Variants in ADGRG6 observed in about 807,000 individuals in gnomAD.
The protein encoded by ADGRG6 is G-protein coupled receptor 126.
Under a neutral mutation model 142.4 loss-of-function variants are expected in ADGRG6, and 84 were observed. That is an observed-to-expected ratio of 0.59 (90% CI 0.49 to 0.71). The LOEUF (loss-of-function observed/expected upper bound fraction) is 0.71, where lower values mean the gene tolerates loss of function less well. ADGRG6 is among the 30% of genes least tolerant of loss of function. The pLI, the probability that ADGRG6 is intolerant of heterozygous loss-of-function variation, is 0.00. For synonymous variants in ADGRG6, 521 were observed against 520.5 expected, an observed-to-expected ratio of 1.00 and a Z score of -0.01; for missense variants, 1,367 against 1,466.6, an observed-to-expected ratio of 0.93 and a Z score of 1.11.
intron 24 of ADGRG6, among the ~76,000 whole-genome samples, chr6:142,439,299 T>C (rs537116070): frequency 1.3e-5 from 2 of 152,360 alleles, no homozygotes; most frequent in African/African-American, 2.4e-5. Flanking sequence ...AGCACTTTCC[T>C]AATTAAAGAT....
chr6:142,339,881 T>C (rs1315987609), intron 2 of ADGRG6, among the ~76,000 whole-genome samples: 1 of 152,208 alleles, frequency 6.6e-6, no homozygotes, highest in Non-Finnish European at 1.5e-5. Flanking sequence ...GTTTTGCTCT[T>C]TAACATAATA....
intron 2 of ADGRG6, among the ~76,000 whole-genome samples, chr6:142,344,168 G>T (rs1265793506): frequency 6.6e-6 from 1 of 151,858 alleles, no homozygotes; most frequent in Non-Finnish European, 1.5e-5. Context: ...TCCTTCCCTA[G>T]ATGGTGTCAC....
intron 2 of ADGRG6, among the ~76,000 whole-genome samples, chr6:142,338,613 T>A (rs1409830990): frequency 2.0e-5 from 3 of 152,026 alleles, no homozygotes; most frequent in Non-Finnish European, 4.4e-5. Flanking sequence ...GAACTCTTAA[T>A]ATGTCTAAAT....
chr6:142,340,308 T>C (rs1167910353), intron 2 of ADGRG6, among the ~76,000 whole-genome samples: 1 of 152,128 alleles, frequency 6.6e-6, no homozygotes, highest in Admixed American at 6.5e-5. Flanking sequence ...TTACCAAATA[T>C]TTATCAGTTA....
At chr6:142,406,190 G>GTTTTTTT (rs3079341) in intron 15 of ADGRG6, among the ~76,000 whole-genome samples, 1 of 148,198 alleles carries the variant, frequency 6.7e-6, no homozygotes, top group Non-Finnish European at 1.5e-5. Context: ...AAAGGAAAGG[G>GTTTTTTT]TTTTTTTTTT....
At chr6:142,318,219 A>AT (rs1778298663) in intron 2 of ADGRG6, among the ~76,000 whole-genome samples, 1 of 38,866 alleles carries the variant, frequency 2.6e-5, no homozygotes, top group Non-Finnish European at 4.8e-5. Flanking sequence ...TTTATATATT[A>AT]TATATATTTA....
At chr6:142,437,922 A>G (rs1777563219) in intron 23 of ADGRG6, 1 of 275,782 alleles carries the variant, frequency 3.6e-6, no homozygotes. Context: ...GAAAAAACCT[A>G]CTTTGTCTTT....
intron 14 of ADGRG6, chr6:142,404,266 G>A: frequency 3.0e-6 from 1 of 338,798 alleles, no homozygotes; most frequent in Non-Finnish European, 5.4e-6. Context: ...TTCAGTTAGA[G>A]GAAAGAGCTT....
Position 142,390,248 on chromosome 6 carries a change from C to A in ADGRG6, c.1223-10C>A. 1.4e-6 allele frequency: 2 copies of A among 1,448,676 alleles called. No homozygotes were observed. The highest frequency in any genetic ancestry group is 1.9e-6 in the Non-Finnish European group (2 of 1,044,558). The allele number at this position is 1,448,676 out of a possible 1,614,324, so 89.7% of individuals were successfully genotyped here. A position where few individuals can be genotyped will look rare whatever the true frequency, so the allele number is the denominator to read the frequency against. ...ATAATTAATGGACTAATCCTATTTC[C>A]AATGGGCAGATGGAATTATCTATAG... On this transcript the variant is annotated splice_polypyrimidine_tract_variant and intron_variant, in intron 6 of 24. Transcript: ENST00000367609.
chr6:142,365,658 C>T lies in ADGRG6; in HGVS notation c.104-1911C>T, dbSNP rs868159323. Among the ~76,000 whole-genome samples, 28 of 152,192 alleles carry T rather than the reference C, an allele frequency of 1.8e-4. No individual in the cohort carries two copies. The Middle Eastern group carries it at 0.014, about 74-fold the overall frequency. ...TCATTTATTTTCCATTGTCTGTCTT[C>T]GGTCTTGTACAAGATGTCAGAGACT... is the stretch of plus-strand genomic sequence containing the variant. On this transcript the variant is annotated intron_variant, in intron 2 of 24. Transcript: ENST00000367609.
chr6:142,317,028 A>G (rs1455610901), intron 2 of ADGRG6, among the ~76,000 whole-genome samples: 1 of 152,104 alleles, frequency 6.6e-6, no homozygotes, highest in East Asian at 1.9e-4. Flanking sequence ...GACCACAAAC[A>G]TTTTTGTTTC....
At chr6:142,316,039 A>G (rs1778046533) in intron 2 of ADGRG6, among the ~76,000 whole-genome samples, 2 of 152,082 alleles carry the variant, frequency 1.3e-5, no homozygotes, top group South Asian at 2.1e-4. Flanking sequence ...TAAAATCATT[A>G]AAAATATTTG....
chr6:142,349,447 C>T (rs1373317567), intron 2 of ADGRG6, among the ~76,000 whole-genome samples: 1 of 152,192 alleles, frequency 6.6e-6, no homozygotes, highest in Non-Finnish European at 1.5e-5. Context: ...TGGACCTTAT[C>T]CCCCACTTTG....
intron 2 of ADGRG6, among the ~76,000 whole-genome samples, chr6:142,312,459 C>A (rs1323304590): frequency 6.6e-6 from 1 of 151,890 alleles, no homozygotes; most frequent in Non-Finnish European, 1.5e-5. Context: ...ATAAGAACTA[C>A]AATAAAATAA....
In ADGRG6 at chr6:142,443,375, C is replaced by A; in HGVS notation, c.3613C>A (p.His1205Asn). Residue 1205 changes from histidine (H) to asparagine (N), a missense_variant, in exon 25 of 25, where the codon CAT becomes AAT. By Grantham distance (68) the His-to-Asn change is moderately conservative. Around this residue, in one of 3 missense-constraint regions of ADGRG6, gnomAD observed 344 missense variants for 348.7 expected, o/e 0.99. Transcript: ENST00000367609. Reference protein sequence around the residue: ...SMDKSLSKLAHADGDQTSIIP... With the variant: ...SMDKSLSKLANADGDQTSIIP... ...GGACAAGTCCTTGTCAAAACTGGCC[C>A]ATGCTGATGGAGATCAAACATCAAT... is the stretch of plus-strand genomic sequence containing the variant. 1.2e-6 allele frequency: 2 copies of A among 1,612,588 alleles called. No homozygotes were observed. Among genetic ancestry groups the A allele is most frequent in the Non-Finnish European group, 1.7e-6 (2 of 1,179,012 alleles).
At chr6:142,345,854 CTAGTAATCCATTAAAT>C (rs1562326967) in intron 2 of ADGRG6, among the ~76,000 whole-genome samples, 1 of 152,132 alleles carries the variant, frequency 6.6e-6, no homozygotes, top group Non-Finnish European at 1.5e-5. Flanking sequence ...AAATTGGTTT[CTAGTAATCCATTAAAT>C]TAGTTTGTTG....
intron 18 of ADGRG6, among the ~76,000 whole-genome samples, chr6:142,413,898 A>AACAC (rs1554252954): frequency 2.6e-4 from 23 of 89,932 alleles, no homozygotes; most frequent in African/African-American, 1.2e-3. Flanking sequence ...ACATTTCTTT[A>AACAC]TCACACACAC....
chr6:142,443,498 C>A lies in ADGRG6; in HGVS notation c.3736C>A (p.His1246Asn), dbSNP rs752467522. The stretch of plus-strand genomic sequence containing the variant: ...TATTATCATGTCAGACACCTTCAGC[C>A]ACAGCACAAAGTTTTAATGTCTTTA... ...KNIIMSDTFS[H>N]STKF Residue 1246 changes from histidine (H) to asparagine (N), a missense_variant, in exon 25 of 25, where the codon CAC becomes AAC. By Grantham distance (68) the His-to-Asn change is moderately conservative (BLOSUM62 1). Around this residue, in one of 3 missense-constraint regions of ADGRG6, gnomAD observed 344 missense variants for 348.7 expected, o/e 0.99. Transcript: ENST00000367609. 1.9e-6 allele frequency: 3 copies of A among 1,608,076 alleles called. No homozygotes were observed. Among genetic ancestry groups the A allele is most frequent in the Non-Finnish European group, 2.5e-6 (3 of 1,176,518 alleles).
chr6:142,338,013 C>CTTTGTTTTTTTTTTTTTTTTGTTTGTTTT (rs1779408897), intron 2 of ADGRG6, among the ~76,000 whole-genome samples: 13 of 26,034 alleles, frequency 5.0e-4, no homozygotes, highest in African/African-American at 2.2e-3. Context: ...TGCCTTGTAT[C>CTTTGTTTTTTTTTTTTTTTTGTTTGTTTT]TTTGTTTTTT....
Sources: gnomAD v4.1 joint callset for allele counts (sites outside exome capture counted in the v4.1 genomes callset) on GRCh38, gnomAD v4.1.1 for gene constraint, gnomAD v4.1.1 regional missense constraint, MANE v1.5 for transcripts, NCBI Gene and HGNC (gene_info 2026-07-23, HGNC 2026-07-21) for gene names.